Variants in CDIN1 observed in about 807,000 individuals in gnomAD.
The protein encoded by CDIN1 is CDAN1-interacting nuclease 1.
A neutral mutation model predicts 45.3 loss-of-function variants in CDIN1; 33 were observed. The observed-to-expected ratio is 0.73, with a 90% CI of 0.55 to 0.97. The LOEUF is 0.97. Ranked by LOEUF, CDIN1 falls within the 50% of genes least tolerant of loss-of-function variation. The probability of loss-of-function intolerance (pLI) is 0.00; values close to 1 mark genes in which losing one functional copy is unlikely to be tolerated. For missense variants in CDIN1, 303 were observed against 339.4 expected (o/e 0.89, Z 0.84); for synonymous variants, 118 against 124.4 (o/e 0.95, Z 0.34).
At chr15:36,616,137 A>G (rs1321180684) in intron 1 of CDIN1, among the ~76,000 whole-genome samples, 1 of 152,200 alleles carries the variant, frequency 6.6e-6, no homozygotes, top group Non-Finnish European at 1.5e-5. Flanking sequence ...CTGAAGGCAC[A>G]TCATATACAT....
At chr15:36,599,794 TA>T (rs1440756511) in intron 1 of CDIN1, among the ~76,000 whole-genome samples, 3 of 152,192 alleles carry the variant, frequency 2.0e-5, no homozygotes, top group Non-Finnish European at 4.4e-5. Flanking sequence ...CTGTGCAGTG[TA>T]CATAACACAG....
At chr15:36,694,224 T>C (rs2042346339) in intron 7 of CDIN1, among the ~76,000 whole-genome samples, 1 of 152,218 alleles carries the variant, frequency 6.6e-6, no homozygotes, top group African/African-American at 2.4e-5. Flanking sequence ...ATTGAAGTAG[T>C]AGCAGTTTCA....
At chr15:36,758,536 T>A (rs2053671027) in intron 10 of CDIN1, among the ~76,000 whole-genome samples, 1 of 152,178 alleles carries the variant, frequency 6.6e-6, no homozygotes, top group Admixed American at 6.5e-5. Flanking sequence ...AGAATATTTT[T>A]AAGCAAGTCA....
At chr15:36,666,022 A>G (rs143894515) in intron 5 of CDIN1, among the ~76,000 whole-genome samples, 93 of 152,282 alleles carry the variant, frequency 6.1e-4, no homozygotes, top group African/African-American at 2.2e-3. Context: ...TTTCTTCTTT[A>G]GAAACACAAT....
At chr15:36,625,306 C>T (rs1215198342) in intron 1 of CDIN1, among the ~76,000 whole-genome samples, 1 of 151,538 alleles carries the variant, frequency 6.6e-6, no homozygotes, top group African/African-American at 2.4e-5. Flanking sequence ...GTATTCTAAA[C>T]TTTTTTACTC....
chr15:36,759,576 A>C (rs2053703469), intron 10 of CDIN1, among the ~76,000 whole-genome samples: 1 of 152,230 alleles, frequency 6.6e-6, no homozygotes, highest in Non-Finnish European at 1.5e-5. Context: ...GATAAACAAA[A>C]GTAACATCAT....
At chr15:36,674,224 A>G (rs1329400922) in intron 5 of CDIN1, among the ~76,000 whole-genome samples, 2 of 152,168 alleles carry the variant, frequency 1.3e-5, no homozygotes, top group African/African-American at 2.4e-5. Context: ...TGCAAATGGC[A>G]TTACAGCTGT....
At chr15:36,732,380 C>G (rs1183891686) in intron 10 of CDIN1, among the ~76,000 whole-genome samples, 1 of 144,816 alleles carries the variant, frequency 6.9e-6, no homozygotes, top group Non-Finnish European at 1.5e-5. Flanking sequence ...TTGATTCCAT[C>G]AGACTACAAA....
At chr15:36,630,552 A>G (rs2039636966) in intron 1 of CDIN1, among the ~76,000 whole-genome samples, 1 of 152,214 alleles carries the variant, frequency 6.6e-6, no homozygotes, top group Non-Finnish European at 1.5e-5. Flanking sequence ...CCTTGACAAT[A>G]CAACTGTTGA....
intron 10 of CDIN1, among the ~76,000 whole-genome samples, chr15:36,801,394 A>G (rs1022629514): frequency 1.3e-5 from 2 of 152,170 alleles, no homozygotes; most frequent in African/African-American, 4.8e-5. Context: ...AACATGGGTA[A>G]GCCAAGTTAA....
chr15:36,761,484 G>A (rs1036448420), intron 10 of CDIN1, among the ~76,000 whole-genome samples: 2 of 152,122 alleles, frequency 1.3e-5, no homozygotes, highest in Admixed American at 6.6e-5. Flanking sequence ...CAGATGATAC[G>A]GTCTTTCTTC....
chr15:36,621,506 T>A (rs539197789), intron 1 of CDIN1, among the ~76,000 whole-genome samples: 143 of 152,308 alleles, frequency 9.4e-4, no homozygotes, highest in South Asian at 1.5e-3. Context: ...CACTATTTTT[T>A]AAAAATCACC....
chr15:36,692,702 T>C (rs2042298546), intron 7 of CDIN1, among the ~76,000 whole-genome samples: 1 of 152,178 alleles, frequency 6.6e-6, no homozygotes, highest in African/African-American at 2.4e-5. Context: ...TAAACATTTT[T>C]AGAGAAATCA....
chr15:36,810,060 CT>C lies in CDIN1; in HGVS notation c.*1610del, dbSNP rs1255924780. ...ATACACACACACACACACACACACA[CT>C]TTATACAAAAATGTTAAAAGCAGGT... On this transcript the variant is annotated 3_prime_UTR_variant, in exon 11 of 11. Transcript: ENST00000566621. 1 of 145,494 alleles carries C rather than the reference CT, an allele frequency of 6.9e-6. No individual in the cohort carries two copies. Among genetic ancestry groups the C allele is most frequent in the Non-Finnish European group, 1.5e-5 (1 of 65,640 alleles). The allele number at this position is 145,494 out of a possible 1,614,324, so 9.0% of individuals were successfully genotyped here. A position where few individuals can be genotyped will look rare whatever the true frequency, so the allele number is the denominator to read the frequency against.
chr15:36,698,765 A>G (rs2042528052), intron 8 of CDIN1, among the ~76,000 whole-genome samples: 1 of 152,186 alleles, frequency 6.6e-6, no homozygotes, highest in African/African-American at 2.4e-5. Context: ...GGGCACCATC[A>G]GCCTGTGGAC....
At chr15:36,618,307 T>G (rs1043966362) in intron 1 of CDIN1, 2 of 667,912 alleles carry the variant, frequency 3.0e-6, no homozygotes, top group African/African-American at 1.8e-5. Flanking sequence ...TTCAAAAAAT[T>G]TTTCAACTGA....
chr15:36,697,917 C>A (rs1411989881), intron 8 of CDIN1, among the ~76,000 whole-genome samples: 1 of 152,084 alleles, frequency 6.6e-6, no homozygotes, highest in Admixed American at 6.6e-5. Flanking sequence ...CAGATTATTT[C>A]TTTCAACATC....
At chr15:36,774,980 ATTAC>A (rs1174825851) in intron 10 of CDIN1, among the ~76,000 whole-genome samples, 1 of 152,124 alleles carries the variant, frequency 6.6e-6, no homozygotes, top group African/African-American at 2.4e-5. Flanking sequence ...TTCTGTTTTT[ATTAC>A]TTTTTATTGT....
Position 36,695,873 on chromosome 15 carries a change from A to G in CDIN1, c.477-1450A>G, listed in dbSNP as rs577020271. Reference sequence around the variant, plus strand: ...AAAAAAAAGAGGCGGGGGACTAATAATAGTATCTACTTGTGTGGCTATTAT... The same window carrying G: ...AAAAAAAAGAGGCGGGGGACTAATAGTAGTATCTACTTGTGTGGCTATTAT... On this transcript the variant is annotated intron_variant, in intron 7 of 10. Transcript: ENST00000566621. 2.6e-5 allele frequency among the ~76,000 whole-genome samples: 4 copies of G among 152,156 alleles called. 1 individual carries two copies. In the South Asian group the frequency reaches 8.3e-4, roughly 32 times the overall value.
Sources: allele counts gnomAD v4.1 joint callset (sites outside exome capture counted in the v4.1 genomes callset), GRCh38; gene constraint gnomAD v4.1.1; transcripts MANE v1.5; gene names NCBI Gene and HGNC (gene_info 2026-07-23, HGNC 2026-07-21).